EXPH5: variants seen among roughly 807,000 people sequenced by gnomAD.
EXPH5 encodes exophilin 5.
EXPH5 carries 42 observed loss-of-function variants against 41.1 expected under a neutral mutation model. That is an observed-to-expected ratio of 1.02 (90% CI 0.80 to 1.32). EXPH5 has a LOEUF of 1.32. Among genes scored for constraint, EXPH5 ranks in the 40% most tolerant of loss-of-function variants. The pLI is 0.00. For missense variants in EXPH5, 2,298 were observed against 2,314.5 expected, an observed-to-expected ratio of 0.99 and a Z score of 0.15; for synonymous variants, 798 against 833.5, an observed-to-expected ratio of 0.96 and a Z score of 0.73.
intron 1 of EXPH5, among the ~76,000 whole-genome samples, chr11:108,546,747 ATTTT>A: frequency 6.6e-6 from 1 of 151,758 alleles, no homozygotes; most frequent in Admixed American, 6.6e-5. Flanking sequence ...GGACATTGAG[ATTTT>A]TCTTTATAAA....
chr11:108,536,535 G>C (rs1181471170), intron 3 of EXPH5, among the ~76,000 whole-genome samples: 1 of 152,202 alleles, frequency 6.6e-6, no homozygotes, highest in Non-Finnish European at 1.5e-5. Flanking sequence ...AAAGTGCCGG[G>C]ATTACAGGCG....
chr11:108,520,001 G>A (rs2093755017), intron 4 of EXPH5, among the ~76,000 whole-genome samples: 1 of 149,634 alleles, frequency 6.7e-6, no homozygotes, highest in South Asian at 2.1e-4. Context: ...GATTTAGGGG[G>A]AAAAATGTGT....
rs76004060 is a variant in EXPH5 at position 108,579,841 on chromosome 11, G to T, written c.119+13577C>A. Among the ~76,000 whole-genome samples the T allele has an allele frequency of 3.0e-4, 46 of 152,256 alleles. No homozygotes were observed. The South Asian group carries it at 9.1e-3, about 30-fold the overall frequency. On this transcript the variant is annotated intron_variant, in intron 1 of 5. Transcript: ENST00000265843. The stretch of plus-strand genomic sequence containing the variant: ...TTCCAGGAAAAGCCCCCTAGTTCAG[G>T]TTTGAGGAGTAGGAAAAGGGTTTTC...
chr11:108,585,132 A>G (rs1481906861), intron 1 of EXPH5, among the ~76,000 whole-genome samples: 1 of 152,250 alleles, frequency 6.6e-6, no homozygotes, highest in Non-Finnish European at 1.5e-5. Flanking sequence ...TATGGAAGGC[A>G]AGTAAGCACA....
rs148898484 is a variant in EXPH5 at position 108,514,317 on chromosome 11, A to G, written c.1190T>C (p.Ile397Thr). The change falls in exon 6 of 6, where the codon ATT (isoleucine) becomes ACT (threonine). Residue 397 changes from isoleucine (I) to threonine (T), a missense_variant. Ile to Thr is a moderately conservative substitution (Grantham distance 89). Coordinates refer to ENST00000265843, the MANE Select transcript of EXPH5 (RefSeq NM_015065.3). ...ATACACATACTTGTCAGCGGGATCA[A>G]TTTCCATTGGTGATGGTGCCCTCAG... ...EFLRAPSPME[I>T]DPADKYVYPR... 3.1e-6 allele frequency: 5 copies of G among 1,613,296 alleles called. No individual in the cohort carries two copies. The highest frequency in any genetic ancestry group is 4.2e-6 in the Non-Finnish European group (5 of 1,179,636).
chr11:108,585,562 A>G (rs904656669), intron 1 of EXPH5, among the ~76,000 whole-genome samples: 8 of 152,242 alleles, frequency 5.3e-5, no homozygotes, highest in African/African-American at 2.4e-5. Flanking sequence ...GTCTAGAACT[A>G]TAAGCAATAG....
the EXPH5 span, among the ~76,000 whole-genome samples, chr11:108,605,331 C>G: frequency 6.6e-6 from 1 of 152,162 alleles, no homozygotes; most frequent in Admixed American, 6.5e-5. Flanking sequence ...AAGTGAAAGT[C>G]ATGGAAAATA....
At chr11:108,523,642 C>A (rs566314111) in intron 4 of EXPH5, among the ~76,000 whole-genome samples, 1 of 152,092 alleles carries the variant, frequency 6.6e-6, no homozygotes, top group South Asian at 2.1e-4. Flanking sequence ...GAGGCCAAGG[C>A]GGGCAGATTG....
intron 3 of EXPH5, among the ~76,000 whole-genome samples, chr11:108,533,623 C>G (rs894908840): frequency 2.0e-5 from 3 of 152,120 alleles, no homozygotes; most frequent in African/African-American, 7.2e-5. Flanking sequence ...AATTTTGCCC[C>G]CTCAAATCTA....
At chr11:108,540,837 C>T (rs1479671740) in intron 2 of EXPH5, among the ~76,000 whole-genome samples, 1 of 151,854 alleles carries the variant, frequency 6.6e-6, no homozygotes, top group Non-Finnish European at 1.5e-5. Context: ...TCCCCTTTTT[C>T]TTCCTCCCCC....
intron 5 of EXPH5, 114 bp downstream of exon 5, chr11:108,518,121 G>T: frequency 1.1e-6 from 1 of 920,120 alleles, no homozygotes; most frequent in Non-Finnish European, 1.7e-6. Flanking sequence ...ACATGAGGAT[G>T]TAAAAAATAA....
intron 4 of EXPH5, among the ~76,000 whole-genome samples, chr11:108,525,204 A>G (rs1041199267): frequency 6.6e-6 from 1 of 152,166 alleles, no homozygotes; most frequent in Non-Finnish European, 1.5e-5. Flanking sequence ...TTTTCTTTAA[A>G]TTACCCAGTC....
Position 108,510,847 on chromosome 11 carries a change from TC to T in EXPH5, c.4659del (p.Lys1554ArgfsTer29), listed in dbSNP as rs757734196. 1.2e-6 allele frequency: 2 copies of T among 1,614,196 alleles called. No individual in the cohort carries two copies. Among genetic ancestry groups the T allele is most frequent in the Non-Finnish European group, 1.7e-6 (2 of 1,180,018 alleles). ...GACTTCTGCATTTCATCTTCAGCCT[TC>T]CTGCTCTCTGTCATATTTGCCTCCT... Reference protein sequence around the residue: ...RSQEANMTESRKAEDEMQKSA... With the variant: ...RSQEANMTESXKAEDEMQKSA... On this transcript the variant is annotated frameshift_variant, in exon 6 of 6. Coordinates refer to ENST00000265843, the MANE Select transcript of EXPH5 (RefSeq NM_015065.3). LOFTEE classifies it low-confidence loss of function (END_TRUNC).
At position 108,510,587 on chromosome 11, in the gene EXPH5, G is replaced by T. The variant is rs1256243921; in HGVS notation, c.4920C>A (p.Asn1640Lys). ...DHLSLGTVEC[N>K]PLFPEPTPKS... is the part of the protein sequence containing the mutation. The stretch of plus-strand genomic sequence containing the variant: ...TTGGAGTAGGCTCAGGGAACAGTGG[G>T]TTGCACTCCACTGTGCCAAGAGATA... The change falls in exon 6 of 6, where the codon AAC becomes AAA. Residue 1640 changes from asparagine to lysine, a missense_variant. By Grantham distance (94) the Asn-to-Lys change is moderately conservative. Coordinates refer to ENST00000265843, the MANE Select transcript of EXPH5 (RefSeq NM_015065.3). The T allele has an allele frequency of 5.6e-6, 9 of 1,613,996 alleles. No individual in the cohort carries two copies. Among genetic ancestry groups the T allele is most frequent in the Non-Finnish European group, 6.8e-6 (8 of 1,179,924 alleles).
At chr11:108,575,823 A>T (rs1337122976) in intron 1 of EXPH5, among the ~76,000 whole-genome samples, 1 of 151,992 alleles carries the variant, frequency 6.6e-6, no homozygotes, top group East Asian at 1.9e-4. Flanking sequence ...AAAATACAAA[A>T]ATTAGCCGGG....
chr11:108,543,536 TC>T (rs2093923403), intron 1 of EXPH5, among the ~76,000 whole-genome samples: 1 of 152,166 alleles, frequency 6.6e-6, no homozygotes, highest in African/African-American at 2.4e-5. Flanking sequence ...GGAAAAGTAT[TC>T]CGTGTGGCTC....
chr11:108,564,672 T>TTAATGAC (rs1372675706), intron 1 of EXPH5, among the ~76,000 whole-genome samples: 2 of 152,226 alleles, frequency 1.3e-5, no homozygotes, highest in Non-Finnish European at 2.9e-5. Context: ...TGAACATGTT[T>TTAATGAC]TAATGACTTA....
At chr11:108,571,708 C>A (rs1434856716) in intron 1 of EXPH5, among the ~76,000 whole-genome samples, 2 of 152,146 alleles carry the variant, frequency 1.3e-5, no homozygotes, top group Non-Finnish European at 2.9e-5. Context: ...TTTTCAGACA[C>A]CTTTTTGACA....
chr11:108,510,992 ACT>A lies in EXPH5; in HGVS notation c.4513_4514del (p.Gln1506SerfsTer10). On this transcript the variant is annotated frameshift_variant, in exon 6 of 6. Transcript: ENST00000265843. LOFTEE classifies it low-confidence loss of function (END_TRUNC). The stretch of plus-strand genomic sequence containing the variant: ...ATGCTGGAGTAAGGGCAAAGACTTG[ACT>A]CTCTGAGTGAGAAAGTGTTTTATTA... ...MTNKTLSHSE[S>X]QVFALTPALH... is the part of the protein sequence containing the mutation. The A allele has an allele frequency of 6.2e-7, 1 of 1,613,944 alleles. No individual in the cohort carries two copies. Among genetic ancestry groups the A allele is most frequent in the Non-Finnish European group, 8.5e-7 (1 of 1,179,994 alleles).
Sources: gnomAD v4.1 joint callset for allele counts (sites outside exome capture counted in the v4.1 genomes callset) on GRCh38, gnomAD v4.1.1 for gene constraint, MANE v1.5 for transcripts, NCBI Gene and HGNC (gene_info 2026-07-23, HGNC 2026-07-21) for gene names.